Variants in CDK17 observed in about 807,000 individuals in gnomAD.
The protein encoded by CDK17 is cyclin-dependent kinase 17.
Under a neutral mutation model 77.6 loss-of-function variants are expected in CDK17, and 24 were observed. The observed-to-expected ratio is 0.31, with a 90% CI of 0.22 to 0.44. The LOEUF is 0.44. Ranked by LOEUF, CDK17 falls within the 20% of genes least tolerant of loss-of-function variation. CDK17 has a pLI of 1.00. For missense variants in CDK17, 429 were observed against 622.5 expected, an observed-to-expected ratio of 0.69 and a Z score of 3.31; for synonymous variants, 203 against 210.4, an observed-to-expected ratio of 0.96 and a Z score of 0.30.
At chr12:96,308,615 G>T (rs969871780) in intron 5 of CDK17, among the ~76,000 whole-genome samples, 21 of 151,316 alleles carry the variant, frequency 1.4e-4, no homozygotes, top group African/African-American at 5.1e-4. Flanking sequence ...TATAATCCCA[G>T]CTACTCGGGA....
intron 1 of CDK17, among the ~76,000 whole-genome samples, chr12:96,370,261 G>A (rs749024779): frequency 5.3e-5 from 8 of 152,138 alleles, no homozygotes; most frequent in Non-Finnish European, 8.8e-5. Flanking sequence ...GGTTCACACC[G>A]AAGTCTTATG....
intron 1 of CDK17, among the ~76,000 whole-genome samples, chr12:96,369,197 T>C (rs1416191308): frequency 1.3e-5 from 2 of 152,170 alleles, no homozygotes; most frequent in Admixed American, 6.5e-5. Flanking sequence ...TTTACAATTA[T>C]GTACCTTAAA....
intron 1 of CDK17, among the ~76,000 whole-genome samples, chr12:96,375,909 C>T (rs1953773905): frequency 6.6e-6 from 1 of 152,098 alleles, no homozygotes; most frequent in Non-Finnish European, 1.5e-5. Context: ...TAAAGTCAGG[C>T]CTCATTCCCC....
chr12:96,355,224 A>T (rs1953375116), intron 1 of CDK17, among the ~76,000 whole-genome samples: 1 of 151,012 alleles, frequency 6.6e-6, no homozygotes, highest in African/African-American at 2.4e-5. Flanking sequence ...CTTGGAATGC[A>T]TTTTCTCCAG....
At chr12:96,390,153 A>ATG (rs1954044435) in intron 1 of CDK17, among the ~76,000 whole-genome samples, 1 of 129,322 alleles carries the variant, frequency 7.7e-6, no homozygotes, top group Admixed American at 7.6e-5. Context: ...TTAAAACTCA[A>ATG]TTTTTTTTTT....
intron 1 of CDK17, among the ~76,000 whole-genome samples, chr12:96,344,724 A>C (rs1215944851): frequency 6.6e-6 from 1 of 152,254 alleles, no homozygotes; most frequent in East Asian, 1.9e-4. Context: ...GACGTAAGAC[A>C]TAACACTGGT....
chr12:96,325,950 G>A (rs545401670), intron 2 of CDK17, among the ~76,000 whole-genome samples: 2 of 152,258 alleles, frequency 1.3e-5, no homozygotes, highest in South Asian at 4.1e-4. Flanking sequence ...CTTGTGCCCA[G>A]GAGTTTGCGG....
Position 96,397,178 on chromosome 12 carries a change from T to A in CDK17, c.-30+2808A>T, listed in dbSNP as rs75267179. 4.4e-3 allele frequency among the ~76,000 whole-genome samples: 674 copies of A among 152,296 alleles called. 5 individuals carry two copies. The highest frequency in any genetic ancestry group is 0.024 in the Middle Eastern group (7 of 294). On this transcript the variant is annotated intron_variant, in intron 1 of 16. Transcript: ENST00000261211. ...ATGCCATCTAGTTTCGCCATAATTG[T>A]AGGACTGAACTGGTATCTGAAAACT...
chr12:96,316,574 G>C (rs1952723142), intron 3 of CDK17, among the ~76,000 whole-genome samples: 1 of 146,698 alleles, frequency 6.8e-6, no homozygotes, highest in Non-Finnish European at 1.5e-5. Flanking sequence ...GCTTTGAAGA[G>C]AGCAGTGGTT....
At chr12:96,374,976 T>TG (rs1459139526) in intron 1 of CDK17, among the ~76,000 whole-genome samples, 2 of 152,192 alleles carry the variant, frequency 1.3e-5, no homozygotes, top group African/African-American at 4.8e-5. Context: ...ACAGAACAGT[T>TG]TGATCAGCGA....
Position 96,297,730 on chromosome 12 carries a change from C to G in CDK17, c.716-9G>C. On this transcript the variant is annotated splice_polypyrimidine_tract_variant and intron_variant, in intron 7 of 16. Coordinates refer to ENST00000261211, the MANE Select transcript of CDK17 (RefSeq NM_002595.5). ...ATCCTTTAATAGTGAAACTGCAAAACAGAAAAAGAAAATTGTTTAGTCTGT... is the reference window on the plus strand; with the variant it reads ...ATCCTTTAATAGTGAAACTGCAAAAGAGAAAAAGAAAATTGTTTAGTCTGT... 6.9e-7 allele frequency: 1 copy of G among 1,444,846 alleles called. No homozygotes were observed. Among genetic ancestry groups the G allele is most frequent in the South Asian group, 1.2e-5 (1 of 85,070 alleles). The allele number at this position is 1,444,846 out of a possible 1,614,324, so 89.5% of individuals were successfully genotyped here. A position where few individuals can be genotyped will look rare whatever the true frequency, so the allele number is the denominator to read the frequency against.
Position 96,286,154 on chromosome 12 carries a change from T to TC in CDK17, c.1217-7_1217-6insG. On this transcript the variant is annotated splice_polypyrimidine_tract_variant and splice_region_variant and intron_variant, in intron 12 of 16. Coordinates refer to ENST00000261211, the MANE Select transcript of CDK17 (RefSeq NM_002595.5). ...AGTTTCCTGAGATGGAGTTCCTGAATTAAAAAAAAAAATTAAATATATTTA... is the reference window on the plus strand; with the variant it reads ...AGTTTCCTGAGATGGAGTTCCTGAATCTAAAAAAAAAAATTAAATATATTTA... 9.6e-7 allele frequency: 1 copy of TC among 1,037,506 alleles called. No homozygotes were observed. The highest frequency in any genetic ancestry group is 1.3e-6 in the Non-Finnish European group (1 of 763,346). 64.3% of individuals were successfully genotyped at this position (1,037,506 alleles called of 1,614,324 possible).
chr12:96,398,422 T>C (rs1260230486), intron 1 of CDK17, among the ~76,000 whole-genome samples: 2 of 152,178 alleles, frequency 1.3e-5, no homozygotes, highest in African/African-American at 2.4e-5. Context: ...ACCAATTATA[T>C]TACCACTAGC....
intron 2 of CDK17, among the ~76,000 whole-genome samples, chr12:96,326,189 C>T (rs1415532003): frequency 6.6e-6 from 1 of 152,028 alleles, no homozygotes; most frequent in African/African-American, 2.4e-5. Context: ...CTTGATTGTT[C>T]TGGAGAATAT....
At chr12:96,346,093 G>A (rs1482443491) in intron 1 of CDK17, among the ~76,000 whole-genome samples, 1 of 152,196 alleles carries the variant, frequency 6.6e-6, no homozygotes, top group Admixed American at 6.5e-5. Context: ...GGAAGTGGGT[G>A]GATCGTGTGA....
At chr12:96,384,469 C>A (rs185749627) in intron 1 of CDK17, among the ~76,000 whole-genome samples, 2 of 152,238 alleles carry the variant, frequency 1.3e-5, no homozygotes, top group South Asian at 2.1e-4. Context: ...AGGTTTATGG[C>A]GGCACTATTC....
intron 1 of CDK17, among the ~76,000 whole-genome samples, chr12:96,364,204 T>C (rs1953545946): frequency 6.6e-6 from 1 of 152,228 alleles, no homozygotes; most frequent in Non-Finnish European, 1.5e-5. Context: ...AATACTGTAA[T>C]TAAATTTGCT....
intron 1 of CDK17, among the ~76,000 whole-genome samples, chr12:96,392,850 A>C (rs1275567977): frequency 6.6e-6 from 1 of 152,170 alleles, no homozygotes; most frequent in African/African-American, 2.4e-5. Context: ...AACACATAAA[A>C]CCTGGAAAGA....
intron 5 of CDK17, among the ~76,000 whole-genome samples, chr12:96,301,758 T>C (rs1952508947): frequency 6.6e-6 from 1 of 152,164 alleles, no homozygotes; most frequent in African/African-American, 2.4e-5. Context: ...AATACGCAAT[T>C]TTCCTTGGAA....
Sources: allele counts gnomAD v4.1 joint callset (sites outside exome capture counted in the v4.1 genomes callset), GRCh38; gene constraint gnomAD v4.1.1; transcripts MANE v1.5; gene names NCBI Gene and HGNC (gene_info 2026-07-23, HGNC 2026-07-21).